Variants in CPXM2 observed in about 807,000 individuals in gnomAD.
CPXM2 encodes carboxypeptidase X, M14 family member 2.
CPXM2 carries 66 observed loss-of-function variants against 86.1 expected under a neutral mutation model. That is an observed-to-expected ratio of 0.77 (90% CI 0.63 to 0.94). The LOEUF (loss-of-function observed/expected upper bound fraction) is 0.94, where lower values mean the gene tolerates loss of function less well. Among genes scored for constraint, CPXM2 ranks in the 40% least tolerant of loss-of-function variants. The probability of loss-of-function intolerance (pLI) is 0.00; values close to 1 mark genes in which losing one functional copy is unlikely to be tolerated. For missense variants in CPXM2, 948 were observed against 1,026.3 expected (o/e 0.92, Z 1.04); for synonymous variants, 388 against 400.2 (o/e 0.97, Z 0.36).
intron 2 of CPXM2, among the ~76,000 whole-genome samples, chr10:123,937,486 C>T (rs1439943331): frequency 9.6e-5 from 11 of 115,100 alleles, no homozygotes; most frequent in East Asian, 4.5e-4. Context: ...CACACACACA[C>T]ACACACACAC....
At chr10:123,804,688 C>G (rs985846114) in intron 4 of CPXM2, among the ~76,000 whole-genome samples, 16 of 150,022 alleles carry the variant, frequency 1.1e-4, no homozygotes, top group African/African-American at 3.5e-4. Context: ...ATTTCTTCTT[C>G]TTGTCTTATT....
chr10:123,919,068 T>C (rs1945559957), intron 2 of CPXM2, among the ~76,000 whole-genome samples: 1 of 151,536 alleles, frequency 6.6e-6, no homozygotes, highest in African/African-American at 2.4e-5. Context: ...AGCTCCTCTC[T>C]GAGCTGTGCA....
At chr10:123,857,251 A>C (rs1848745724) in intron 3 of CPXM2, among the ~76,000 whole-genome samples, 1 of 152,134 alleles carries the variant, frequency 6.6e-6, no homozygotes, top group African/African-American at 2.4e-5. Flanking sequence ...TTGAGTTATA[A>C]GGACTCTTTC....
At chr10:123,830,414 A>G (rs1380316107) in intron 4 of CPXM2, among the ~76,000 whole-genome samples, 1 of 152,148 alleles carries the variant, frequency 6.6e-6, no homozygotes, top group East Asian at 1.9e-4. Flanking sequence ...AGCAAACACC[A>G]CCAGATGTGG....
At chr10:123,924,071 G>C (rs185309995) in intron 2 of CPXM2, among the ~76,000 whole-genome samples, 21 of 152,216 alleles carry the variant, frequency 1.4e-4, no homozygotes, top group African/African-American at 5.1e-4. Context: ...TAAGTAAAAA[G>C]GGAAAAACAC....
intron 4 of CPXM2, among the ~76,000 whole-genome samples, chr10:123,829,894 C>T (rs1020431187): frequency 2.3e-4 from 34 of 148,964 alleles, no homozygotes; most frequent in African/African-American, 7.2e-4. Flanking sequence ...GGTGGCATTT[C>T]GGTTGGAAAA....
chr10:123,805,949 C>T (rs879806585), intron 4 of CPXM2, among the ~76,000 whole-genome samples: 1 of 152,280 alleles, frequency 6.6e-6, no homozygotes, highest in East Asian at 1.9e-4. Context: ...TTTACCCCTC[C>T]AGCTTTTGCA....
intron 2 of CPXM2, among the ~76,000 whole-genome samples, chr10:123,911,278 C>A (rs1166046562): frequency 6.6e-6 from 1 of 152,024 alleles, no homozygotes; most frequent in Non-Finnish European, 1.5e-5. Context: ...TGTTACATTC[C>A]ATGCACTATG....
chr10:123,862,838 G>A (rs1212118502), intron 2 of CPXM2, 115 bp from the exon 3 acceptor site: 1 of 807,086 alleles, frequency 1.2e-6, no homozygotes, highest in South Asian at 1.5e-5. Flanking sequence ...CCACCCACAG[G>A]CATGCCTGGT....
rs1846166825 is a variant in CPXM2 at position 123,754,806 on chromosome 10, T to G, written c.1918-44A>C. On this transcript the variant is annotated intron_variant, in intron 12 of 13. Coordinates refer to ENST00000241305, the MANE Select transcript of CPXM2 (RefSeq NM_198148.3). The surrounding 1 kb of genome is among the most constrained non-coding windows in gnomAD (Gnocchi z 4.0). ...ACACAGGGTGAGGTCACCGACCAGC[T>G]CTGGACACAACCGGCACAACAGAGT... 1.8e-6 allele frequency: 2 copies of G among 1,119,268 alleles called. No individual in the cohort carries two copies. The highest frequency in any genetic ancestry group is 2.3e-5 in the East Asian group (1 of 42,652). 69.3% of individuals were successfully genotyped at this position (1,119,268 alleles called of 1,614,324 possible).
At chr10:123,808,983 C>T (rs186283346) in intron 4 of CPXM2, among the ~76,000 whole-genome samples, 55 of 148,292 alleles carry the variant, frequency 3.7e-4, no homozygotes, top group Non-Finnish European at 7.5e-4. Flanking sequence ...ATTCCAGAAA[C>T]GAACAATTCA....
chr10:123,931,848 C>T lies in CPXM2; in HGVS notation n.174+7629G>A, dbSNP rs184701037. Among the ~76,000 whole-genome samples the T allele has an allele frequency of 2.6e-5, 4 of 152,280 alleles. No individual in the cohort carries two copies. The East Asian group carries it at 5.8e-4, about 22-fold the overall frequency. ...CATAATATTGTTCAGAATAGCACTGCCTTTCTCAAACTATGTGCCATGCGA... is the reference window on the plus strand; with the variant it reads ...CATAATATTGTTCAGAATAGCACTGTCTTTCTCAAACTATGTGCCATGCGA... On this transcript the variant is annotated intron_variant and non_coding_transcript_variant, in intron 2 of 19. Transcript: ENST00000368854.
chr10:123,921,507 G>T (rs1383765219), intron 2 of CPXM2, among the ~76,000 whole-genome samples: 1 of 152,228 alleles, frequency 6.6e-6, no homozygotes, highest in Non-Finnish European at 1.5e-5. Flanking sequence ...GGCAGCAGCA[G>T]ATTTTAATGC....
At chr10:123,886,015 T>C (rs561850739) in intron 1 of CPXM2, among the ~76,000 whole-genome samples, 3 of 152,324 alleles carry the variant, frequency 2.0e-5, no homozygotes, top group South Asian at 4.1e-4. Context: ...AAGAGGAAAT[T>C]TGCCAGCATT....
chr10:123,874,314 A>T (rs1051990672), intron 2 of CPXM2, among the ~76,000 whole-genome samples: 1 of 152,040 alleles, frequency 6.6e-6, no homozygotes, highest in Non-Finnish European at 1.5e-5. Context: ...GGTCTCTTTT[A>T]TAAGTTCACT....
At chr10:123,859,987 G>A (rs900985277) in intron 3 of CPXM2, among the ~76,000 whole-genome samples, 6 of 152,162 alleles carry the variant, frequency 3.9e-5, no homozygotes, top group South Asian at 2.1e-4. Context: ...CCAGGTCTCC[G>A]TCCATATCCT....
At chr10:123,927,253 G>A (rs117317670) in intron 2 of CPXM2, among the ~76,000 whole-genome samples, 2,252 of 152,294 alleles carry the variant, frequency 0.015, 27 homozygotes, top group Non-Finnish European at 0.023. Context: ...TGCTCTGGCA[G>A]CCTCCTGTGT....
At chr10:123,770,595 G>A (rs1050114039) in intron 8 of CPXM2, among the ~76,000 whole-genome samples, 3 of 152,232 alleles carry the variant, frequency 2.0e-5, no homozygotes, top group Admixed American at 1.3e-4. Context: ...TCCTGAAGGA[G>A]GAGGAAATTC....
intron 3 of CPXM2, among the ~76,000 whole-genome samples, chr10:123,857,653 T>C (rs143271610): frequency 0.13 from 12,686 of 101,010 alleles, 218 homozygotes; most frequent in East Asian, 0.35. Context: ...GGCGTGGAGA[T>C]GGAAGGCGGC....
Sources: allele counts gnomAD v4.1 joint callset (sites outside exome capture counted in the v4.1 genomes callset), GRCh38; gene constraint gnomAD v4.1.1; non-coding constraint Gnocchi (gnomAD v3.1); transcripts MANE v1.5; gene names NCBI Gene and HGNC (gene_info 2026-07-23, HGNC 2026-07-21).